The following LARGE1 variants were observed in gnomAD, a reference collection of about 807,000 sequenced individuals.
LARGE1 encodes the protein LARGE xylosyl- and glucuronyltransferase 1.
In LARGE1, 43 loss-of-function variants were observed where a neutral mutation model predicts 87.6. The ratio of observed to expected loss-of-function variants is 0.49; its 90% confidence interval spans 0.38 to 0.63. LARGE1 has a LOEUF of 0.63. Among genes scored for constraint, LARGE1 ranks in the 30% least tolerant of loss-of-function variants. The pLI, the probability that LARGE1 is intolerant of heterozygous loss-of-function variation, is 0.00. For missense variants in LARGE1, 802 were observed against 1,000.2 expected (o/e 0.80, Z 2.67); for synonymous variants, 434 against 394.6 (o/e 1.10, Z -1.18).
intron 1 of LARGE1, among the ~76,000 whole-genome samples, chr22:33,799,989 C>G (rs964556298): frequency 6.6e-6 from 1 of 152,178 alleles, no homozygotes; most frequent in Non-Finnish European, 1.5e-5. Flanking sequence ...AGAAGATCCT[C>G]GCTGTCCCAC....
intron 1 of LARGE1, among the ~76,000 whole-genome samples, chr22:33,802,550 G>A (rs1365421920): frequency 1.3e-5 from 2 of 152,172 alleles, no homozygotes; most frequent in African/African-American, 4.8e-5. Flanking sequence ...CCCCGTTCTG[G>A]TTATGAAGAC....
At chr22:33,177,936 C>T (rs982325524) in intron 11 of LARGE1, among the ~76,000 whole-genome samples, 2 of 152,136 alleles carry the variant, frequency 1.3e-5, no homozygotes, top group Admixed American at 6.6e-5. Context: ...AAGTGTGTGG[C>T]TCTTCCAGCT....
At chr22:33,074,773 TTAGTCTTATA>T in the LARGE1 span, among the ~76,000 whole-genome samples, 1 of 152,160 alleles carries the variant, frequency 6.6e-6, no homozygotes, top group Non-Finnish European at 1.5e-5. Context: ...TCCTTTGTCT[TTAGTCTTATA>T]TCTGGGAAGT....
In LARGE1 at chr22:33,761,538, C is replaced by T. The variant is rs2084730421; in HGVS notation, c.-62G>A. On this transcript the variant is annotated 5_prime_UTR_variant, in exon 2 of 15. Transcript: ENST00000397394. The stretch of plus-strand genomic sequence containing the variant: ...TTCTCTGTCCGGAGCATGAAGTCCT[C>T]GGCCTCCCTCATAATACTCTCTGAA... 3.8e-6 allele frequency: 5 copies of T among 1,307,616 alleles called. No homozygotes were observed. The highest frequency in any genetic ancestry group is 2.3e-5 in the East Asian group (1 of 43,298). 81.0% of individuals were successfully genotyped at this position (1,307,616 alleles called of 1,614,324 possible). A position where few individuals can be genotyped will look rare whatever the true frequency, so the allele number is the denominator to read the frequency against.
chr22:33,598,227 C>T (rs189961606), intron 5 of LARGE1, among the ~76,000 whole-genome samples: 1 of 152,156 alleles, frequency 6.6e-6, no homozygotes, highest in Admixed American at 6.5e-5. Context: ...CTGCCATGTA[C>T]CGGTTACATG....
chr22:33,548,540 C>T (rs375583483), intron 6 of LARGE1, among the ~76,000 whole-genome samples: 5 of 152,108 alleles, frequency 3.3e-5, no homozygotes, highest in Admixed American at 6.6e-5. Context: ...CTTAGCCTCC[C>T]GAGTAGCTGG....
At chr22:33,384,620 T>A (rs2065263829) in intron 7 of LARGE1, among the ~76,000 whole-genome samples, 1 of 148,586 alleles carries the variant, frequency 6.7e-6, no homozygotes, top group South Asian at 2.4e-4. Context: ...CTCAAAGGAC[T>A]GTTGGAAGGA....
At chr22:33,257,793 A>G (rs1568992448) in intron 11 of LARGE1, among the ~76,000 whole-genome samples, 1 of 152,208 alleles carries the variant, frequency 6.6e-6, no homozygotes, top group Non-Finnish European at 1.5e-5. Flanking sequence ...CATTTAACAA[A>G]TATCTATTTA....
At chr22:33,406,477 C>G (rs138362117) in intron 7 of LARGE1, among the ~76,000 whole-genome samples, 1 of 152,234 alleles carries the variant, frequency 6.6e-6, no homozygotes, top group African/African-American at 2.4e-5. Flanking sequence ...TTCAAAGAAG[C>G]CTGTGTGATG....
At chr22:33,249,644 G>T (rs746809555) in intron 11 of LARGE1, among the ~76,000 whole-genome samples, 9 of 152,102 alleles carry the variant, frequency 5.9e-5, no homozygotes, top group Non-Finnish European at 1.3e-4. Context: ...TTTCTCCTAT[G>T]TTATCTTCTG....
intron 7 of LARGE1, among the ~76,000 whole-genome samples, chr22:33,427,874 G>A (rs1476644910): frequency 6.6e-6 from 1 of 152,212 alleles, no homozygotes; most frequent in Non-Finnish European, 1.5e-5. Context: ...AAGCAACAAC[G>A]CCAGGTCTTG....
At chr22:33,592,863 C>T (rs1384854891) in intron 5 of LARGE1, among the ~76,000 whole-genome samples, 4 of 128 alleles carry the variant, frequency 0.031, no homozygotes, top group African/African-American at 0.11. Context: ...TTTTTTGAGA[C>T]GGAGCTTGCT....
At chr22:33,338,725 A>G (rs565759602) in intron 9 of LARGE1, among the ~76,000 whole-genome samples, 80 of 152,288 alleles carry the variant, frequency 5.3e-4, no homozygotes, top group African/African-American at 1.8e-3. Flanking sequence ...CTGAGTGCCT[A>G]GAGTATAGAG....
intron 11 of LARGE1, among the ~76,000 whole-genome samples, chr22:33,242,333 T>C (rs1027581420): frequency 6.6e-6 from 1 of 152,168 alleles, no homozygotes; most frequent in African/African-American, 2.4e-5. Flanking sequence ...TCAATTTATA[T>C]GCACCTATCA....
chr22:33,113,929 G>A, the LARGE1 span, among the ~76,000 whole-genome samples: 1 of 149,618 alleles, frequency 6.7e-6, no homozygotes, highest in Non-Finnish European at 1.5e-5. Context: ...GGAGTGCAGT[G>A]TTGCGATCTT....
At chr22:33,262,787 TTCCCTTTCC>T (rs1927709506) in intron 11 of LARGE1, among the ~76,000 whole-genome samples, 1 of 147,406 alleles carries the variant, frequency 6.8e-6, no homozygotes, top group South Asian at 2.2e-4. Flanking sequence ...CTTCCTTCCC[TTCCCTTTCC>T]TTCCTTCCTT....
chr22:33,328,197 C>G (rs1937407783), intron 10 of LARGE1, among the ~76,000 whole-genome samples: 1 of 152,152 alleles, frequency 6.6e-6, no homozygotes, highest in African/African-American at 2.4e-5. Context: ...CGTAGAGAGA[C>G]CACTCAACTA....
At chr22:33,156,349 C>T in the LARGE1 span, among the ~76,000 whole-genome samples, 1 of 152,168 alleles carries the variant, frequency 6.6e-6, no homozygotes, top group African/African-American at 2.4e-5. Context: ...GGGGGCTATA[C>T]CCTGCAAAGC....
chr22:33,345,616 A>G (rs1939657632), intron 9 of LARGE1, among the ~76,000 whole-genome samples: 1 of 152,210 alleles, frequency 6.6e-6, no homozygotes, highest in Non-Finnish European at 1.5e-5. Context: ...GGCTGAGTAT[A>G]TGTGCCGACT....
Sources: gnomAD v4.1 joint callset for allele counts (sites outside exome capture counted in the v4.1 genomes callset) on GRCh38, gnomAD v4.1.1 for gene constraint, MANE v1.5 for transcripts, NCBI Gene and HGNC (gene_info 2026-07-23, HGNC 2026-07-21) for gene names.